The following COL23A1 variants were observed in gnomAD, a reference collection of about 807,000 sequenced individuals.
COL23A1 encodes collagen type XXIII alpha 1 chain.
In COL23A1, 97 loss-of-function variants were observed where a neutral mutation model predicts 99.3. That is an observed-to-expected ratio of 0.98 (90% CI 0.83 to 1.16). The LOEUF (loss-of-function observed/expected upper bound fraction) is 1.16, where lower values mean the gene tolerates loss of function less well. Among genes scored for constraint, COL23A1 ranks in the 50% most tolerant of loss-of-function variants. The pLI, the probability that COL23A1 is intolerant of heterozygous loss-of-function variation, is 0.00. For missense variants in COL23A1, 762 were observed against 757.4 expected (o/e 1.01, Z -0.07); for synonymous variants, 320 against 308.2 (o/e 1.04, Z -0.40).
At chr5:178,523,139 T>TAA (rs1233641261) in intron 2 of COL23A1, among the ~76,000 whole-genome samples, 36 of 95,390 alleles carry the variant, frequency 3.8e-4, no homozygotes, top group African/African-American at 1.6e-3. Flanking sequence ...TGTCTCTATT[T>TAA]AAAAATATAT....
intron 2 of COL23A1, among the ~76,000 whole-genome samples, chr5:178,408,158 C>A (rs1384764277): frequency 6.6e-6 from 1 of 152,156 alleles, no homozygotes; most frequent in African/African-American, 2.4e-5. Context: ...CCACGGAGGC[C>A]AGAAGGAAGT....
intron 2 of COL23A1, among the ~76,000 whole-genome samples, chr5:178,523,113 C>A (rs1760043981): frequency 7.0e-6 from 1 of 141,920 alleles, no homozygotes; most frequent in African/African-American, 2.6e-5. Flanking sequence ...CCAGCCTGAC[C>A]AACATGATGA....
At chr5:178,477,713 C>T (rs1027619482) in intron 2 of COL23A1, among the ~76,000 whole-genome samples, 3 of 152,090 alleles carry the variant, frequency 2.0e-5, no homozygotes, top group African/African-American at 7.2e-5. Context: ...CAACTGTCAA[C>T]GTACCCCTCC....
chr5:178,242,289 C>T, intron 26 of COL23A1, 52 bp downstream of exon 26: 1 of 1,589,266 alleles, frequency 6.3e-7, no homozygotes, highest in Non-Finnish European at 8.6e-7. Context: ...CCACTCCCAC[C>T]TGCCTCCTTC....
chr5:178,506,339 C>T (rs1237206431), intron 2 of COL23A1, among the ~76,000 whole-genome samples: 2 of 152,222 alleles, frequency 1.3e-5, no homozygotes, highest in African/African-American at 4.8e-5. Context: ...AGCCTGCACA[C>T]CAGGGCAGCA....
At chr5:178,376,643 G>C (rs1763085039) in intron 2 of COL23A1, among the ~76,000 whole-genome samples, 1 of 152,232 alleles carries the variant, frequency 6.6e-6, no homozygotes, top group East Asian at 1.9e-4. Context: ...TAATAGAAGA[G>C]AAATCGGAAG....
rs139658613 is a variant in COL23A1 at position 178,587,626 on chromosome 5, A to G, written c.294+2278T>C. Reference sequence around the variant, plus strand: ...TCACTGAGAACAAATCAGAACTGAAAAACAGCTTCAAGTACAAATGTTCTT... The same window carrying G: ...TCACTGAGAACAAATCAGAACTGAAGAACAGCTTCAAGTACAAATGTTCTT... On this transcript the variant is annotated intron_variant, in intron 1 of 28. Coordinates refer to ENST00000390654, the MANE Select transcript of COL23A1 (RefSeq NM_173465.4). Among the ~76,000 whole-genome samples the G allele has an allele frequency of 4.1e-3, 629 of 152,346 alleles. 5 individuals carry two copies. Among genetic ancestry groups the G allele is most frequent in the Middle Eastern group, 0.01 (3 of 294 alleles).
chr5:178,493,355 T>C (rs547120518), intron 2 of COL23A1, among the ~76,000 whole-genome samples: 65 of 152,350 alleles, frequency 4.3e-4, no homozygotes, highest in African/African-American at 1.4e-3. Flanking sequence ...TGCAAAGGAC[T>C]CATGCTTTGT....
At chr5:178,507,864 T>C (rs1758966541) in intron 2 of COL23A1, among the ~76,000 whole-genome samples, 1 of 152,266 alleles carries the variant, frequency 6.6e-6, no homozygotes, top group South Asian at 2.1e-4. Context: ...GTTTGTGTTT[T>C]TTGCCAAGTT....
chr5:178,586,235 A>G (rs1021755151), intron 1 of COL23A1, among the ~76,000 whole-genome samples: 16 of 152,208 alleles, frequency 1.1e-4, no homozygotes, highest in African/African-American at 3.9e-4. Context: ...GTTACTTCCC[A>G]TCAAAAGCAT....
intron 2 of COL23A1, among the ~76,000 whole-genome samples, chr5:178,470,783 C>G (rs1756702004): frequency 1.7e-5 from 1 of 60,592 alleles, no homozygotes; most frequent in African/African-American, 4.4e-5. Context: ...GACCCAGATA[C>G]CTCCTGTCTC....
intron 15 of COL23A1, among the ~76,000 whole-genome samples, 168 bp downstream of exon 15, chr5:178,256,185 G>A (rs1223129428): frequency 6.6e-6 from 1 of 152,154 alleles, no homozygotes; most frequent in African/African-American, 2.4e-5. Context: ...AAAAAAGCAT[G>A]TACTCTGGAT....
At chr5:178,502,793 G>A (rs1189186303) in intron 2 of COL23A1, among the ~76,000 whole-genome samples, 1 of 152,212 alleles carries the variant, frequency 6.6e-6, no homozygotes, top group Non-Finnish European at 1.5e-5. Flanking sequence ...CACGCCAGAA[G>A]ACGTGCACAG....
Position 178,239,194 on chromosome 5 carries a change from G to A in COL23A1, c.1582-15C>T. 6.2e-7 allele frequency: 1 copy of A among 1,614,072 alleles called. No individual in the cohort carries two copies. Among genetic ancestry groups the A allele is most frequent in the Non-Finnish European group, 8.5e-7 (1 of 1,179,970 alleles). On this transcript the variant is annotated splice_polypyrimidine_tract_variant and intron_variant, in intron 27 of 28. Transcript: ENST00000390654. ...CCGTCGGGGCCCTGGAAAGGAAGAA[G>A]GTTTCAGTGATGGGGATGGGGCCTG...
At chr5:178,269,823 C>CCA (rs1756183799) in intron 6 of COL23A1, among the ~76,000 whole-genome samples, 1 of 151,924 alleles carries the variant, frequency 6.6e-6, no homozygotes, top group East Asian at 1.9e-4. Context: ...ATCCATCCAT[C>CCA]TATATATCTA....
intron 11 of COL23A1, among the ~76,000 whole-genome samples, chr5:178,260,712 T>G (rs1441459714): frequency 2.0e-5 from 3 of 152,142 alleles, no homozygotes; most frequent in South Asian, 2.1e-4. Context: ...AAGAATCACT[T>G]GAAACCAGGA....
intron 2 of COL23A1, among the ~76,000 whole-genome samples, chr5:178,445,573 G>A (rs1767111681): frequency 6.6e-6 from 1 of 152,172 alleles, no homozygotes; most frequent in African/African-American, 2.4e-5. Context: ...GACATCTAAA[G>A]TAGCCAACCA....
chr5:178,247,884 C>T, intron 20 of COL23A1, 53 bp from the exon 21 acceptor site: 1 of 1,496,616 alleles, frequency 6.7e-7, no homozygotes, highest in Non-Finnish European at 9.2e-7. Flanking sequence ...CCCTCACCTA[C>T]CCGCACCCGA....
In COL23A1 at chr5:178,380,743, G is replaced by A. The variant is rs571046348; in HGVS notation, c.362-73824C>T. Among the ~76,000 whole-genome samples the A allele has an allele frequency of 3.2e-4, 49 of 152,272 alleles. No homozygotes were observed. In the South Asian group the frequency reaches 5.8e-3, roughly 18 times the overall value. On this transcript the variant is annotated intron_variant, in intron 2 of 28. Transcript: ENST00000390654. Reference sequence around the variant, plus strand: ...GAGGATCACGTCCGGGGCCAATGTCGGGACCAGCCGCAGTGAGAGGGAGGA... The same window carrying A: ...GAGGATCACGTCCGGGGCCAATGTCAGGACCAGCCGCAGTGAGAGGGAGGA...
Sources: allele counts gnomAD v4.1 joint callset (sites outside exome capture counted in the v4.1 genomes callset), GRCh38; gene constraint gnomAD v4.1.1; transcripts MANE v1.5; gene names NCBI Gene and HGNC (gene_info 2026-07-23, HGNC 2026-07-21).